TNPO1: variants seen among roughly 807,000 people sequenced by gnomAD.
The protein encoded by TNPO1 is transportin-1.
A neutral mutation model predicts 119.5 loss-of-function variants in TNPO1; 8 were observed. The observed-to-expected ratio is 0.07, with a 90% confidence interval of 0.04 to 0.12. The LOEUF (loss-of-function observed/expected upper bound fraction) is 0.12, where lower values mean the gene tolerates loss of function less well. Ranked by LOEUF, TNPO1 falls within the 10% of genes least tolerant of loss-of-function variation. TNPO1 has a pLI of 1.00. For missense variants in TNPO1, 576 were observed against 1,089.8 expected, an observed-to-expected ratio of 0.53 and a Z score of 6.64; for synonymous variants, 362 against 363.0, an observed-to-expected ratio of 1.00 and a Z score of 0.03.
At chr5:72,885,342 A>G (rs1261044011) in intron 11 of TNPO1, among the ~76,000 whole-genome samples, 1 of 152,180 alleles carries the variant, frequency 6.6e-6, no homozygotes, top group Non-Finnish European at 1.5e-5. Context: ...GTGTATCCCT[A>G]CTTTCAGATT....
intron 2 of TNPO1, 136 bp from the exon 3 acceptor site, chr5:72,851,106 GAT>G: frequency 1.6e-6 from 1 of 630,508 alleles, no homozygotes; most frequent in South Asian, 1.8e-5. Flanking sequence ...GATTTAGTAA[GAT>G]ATCCTTATTC....
At position 72,872,693 on chromosome 5, in the gene TNPO1, A is replaced by C. The variant is rs201581963; in HGVS notation, c.651A>C (p.Leu217=). ...TTATCATCAGTAGGACTCAAGCTCTAATGTTGCACATTGATTCTTTTATTG... is the reference window on the plus strand; with the variant it reads ...TTATCATCAGTAGGACTCAAGCTCTCATGTTGCACATTGATTCTTTTATTG... The part of the protein sequence containing the change: ...NQFIISRTQA[L]MLHIDSFIEN... The change falls in exon 7 of 25, where the codon CTA becomes CTC. Residue 217 remains leucine (L), a synonymous_variant. Transcript: ENST00000337273. The C allele has an allele frequency of 3.1e-6, 5 of 1,609,454 alleles. No individual in the cohort carries two copies. Among genetic ancestry groups the C allele is most frequent in the Non-Finnish European group, 4.2e-6 (5 of 1,177,864 alleles).
chr5:72,885,582 C>A (rs534748137), intron 11 of TNPO1, among the ~76,000 whole-genome samples: 1 of 152,120 alleles, frequency 6.6e-6, no homozygotes, highest in Admixed American at 6.5e-5. Flanking sequence ...GTATCGTATG[C>A]CTCATTCTTC....
chr5:72,868,825 G>A (rs1354208288), intron 6 of TNPO1, among the ~76,000 whole-genome samples: 3 of 152,050 alleles, frequency 2.0e-5, no homozygotes, highest in Non-Finnish European at 4.4e-5. Flanking sequence ...TGGCCAACAT[G>A]GTGAAACCCT....
intron 1 of TNPO1, among the ~76,000 whole-genome samples, chr5:72,831,951 C>A (rs920099848): frequency 6.6e-6 from 1 of 151,948 alleles, no homozygotes; most frequent in African/African-American, 2.4e-5. Flanking sequence ...CAGAAATTAA[C>A]CTTCTTTTTT....
At chr5:72,841,711 C>G (rs866499906) in intron 1 of TNPO1, among the ~76,000 whole-genome samples, 2 of 152,118 alleles carry the variant, frequency 1.3e-5, no homozygotes. Context: ...CGTTTTGATT[C>G]ATCATTAGGT....
At chr5:72,849,812 C>A (rs574924031) in intron 2 of TNPO1, among the ~76,000 whole-genome samples, 8 of 152,086 alleles carry the variant, frequency 5.3e-5, no homozygotes, top group African/African-American at 9.7e-5. Flanking sequence ...TGTCATAGTT[C>A]TAGGGATGAT....
intron 6 of TNPO1, among the ~76,000 whole-genome samples, chr5:72,871,544 C>A (rs909179004): frequency 6.6e-6 from 1 of 152,088 alleles, no homozygotes; most frequent in Non-Finnish European, 1.5e-5. Context: ...TTCATACAGT[C>A]ATGAGTACAA....
intron 22 of TNPO1, 79 bp downstream of exon 22, chr5:72,901,152 AT>A (rs1749771968): frequency 3.6e-6 from 3 of 839,986 alleles, no homozygotes; most frequent in Non-Finnish European, 5.3e-6. Context: ...TACTTTAATT[AT>A]AAAAAGTTAA....
intron 7 of TNPO1, among the ~76,000 whole-genome samples, chr5:72,874,024 A>G (rs1027351700): frequency 2.0e-5 from 3 of 152,146 alleles, no homozygotes; most frequent in African/African-American, 7.2e-5. Context: ...AATATAATCT[A>G]AAATAAATGA....
At position 72,855,908 on chromosome 5, in the gene TNPO1, A is replaced by C; in HGVS notation, c.340A>C (p.Ile114Leu). 6.2e-7 allele frequency: 1 copy of C among 1,613,540 alleles called. No individual in the cohort carries two copies. Among genetic ancestry groups the C allele is most frequent in the Non-Finnish European group, 8.5e-7 (1 of 1,179,802 alleles). ...TAATATTGGTGACTCCTCTCCTCTG[A>C]TTAGAGCCACTGTTGGTAAGTTATA... ...LNNIGDSSPL[I>L]RATVGILITT... Residue 114 changes from isoleucine (I) to leucine (L), a missense_variant, in exon 4 of 25, where the codon ATT becomes CTT. Around this residue, in one of 6 missense-constraint regions of TNPO1, gnomAD observed 310 missense variants for 583.0 expected, o/e 0.53. Transcript: ENST00000337273.
At chr5:72,874,845 G>A (rs1747651999) in intron 7 of TNPO1, among the ~76,000 whole-genome samples, 24 of 152,140 alleles carry the variant, frequency 1.6e-4, no homozygotes, top group Admixed American at 1.6e-3. Flanking sequence ...TGTAAATAAA[G>A]TAAGACTTTA....
intron 6 of TNPO1, among the ~76,000 whole-genome samples, chr5:72,868,321 A>C (rs558544634): frequency 1.3e-5 from 2 of 149,470 alleles, no homozygotes; most frequent in African/African-American, 4.9e-5. Context: ...AGTCCCAGCA[A>C]CTCGGGAGGC....
At chr5:72,867,934 A>G (rs1029495616) in intron 6 of TNPO1, among the ~76,000 whole-genome samples, 1 of 152,106 alleles carries the variant, frequency 6.6e-6, no homozygotes, top group African/African-American at 2.4e-5. Flanking sequence ...TCTTGATAAT[A>G]CTTTGCTATC....
chr5:72,855,620 G>A (rs527968848), intron 3 of TNPO1, among the ~76,000 whole-genome samples, 154 bp from the exon 4 acceptor site: 1 of 152,236 alleles, frequency 6.6e-6, no homozygotes, highest in East Asian at 1.9e-4. Context: ...AAATGATAGA[G>A]CTAATCTTTT....
In TNPO1 at chr5:72,913,689, C is replaced by CTTT. The variant is rs1750705873; in HGVS notation, c.*5017_*5018insTTT. ...GCTGGTATTACATCTTTTTAAAAGC[C>CTTT]TATTATAACATGGTTAGCCTATAAG... is the stretch of plus-strand genomic sequence containing the variant. On this transcript the variant is annotated 3_prime_UTR_variant, in exon 25 of 25. Transcript: ENST00000337273. 6.6e-6 allele frequency: 1 copy of CTTT among 152,418 alleles called. No homozygotes were observed. The highest frequency in any genetic ancestry group is 2.4e-5 in the African/African-American group (1 of 41,412). 9.4% of individuals were successfully genotyped at this position (152,418 alleles called of 1,614,324 possible). A position where few individuals can be genotyped will look rare whatever the true frequency, so the allele number is the denominator to read the frequency against.
At chr5:72,871,901 TTTTAAA>T (rs2112364684) in intron 6 of TNPO1, 1 of 152,294 alleles carries the variant, frequency 6.6e-6, no homozygotes, top group East Asian at 1.9e-4. Flanking sequence ...TAAGGATGAT[TTTTAAA>T]TTTAAGAGGT....
intron 2 of TNPO1, among the ~76,000 whole-genome samples, chr5:72,849,548 T>C (rs1157040842): frequency 2.6e-5 from 4 of 152,202 alleles, no homozygotes; most frequent in African/African-American, 7.2e-5. Context: ...GATGAAGTTA[T>C]TTACCCCGAG....
intron 1 of TNPO1, among the ~76,000 whole-genome samples, chr5:72,842,576 C>G (rs577372326): frequency 6.6e-6 from 1 of 152,332 alleles, no homozygotes; most frequent in East Asian, 1.9e-4. Flanking sequence ...CATCTTGGCT[C>G]TCTGTGAAAC....
Sources: allele counts gnomAD v4.1 joint callset (sites outside exome capture counted in the v4.1 genomes callset), GRCh38; gene constraint gnomAD v4.1.1; regional missense constraint gnomAD v4.1.1; transcripts MANE v1.5; gene names NCBI Gene and HGNC (gene_info 2026-07-23, HGNC 2026-07-21).